MOGAT2: variants seen among roughly 807,000 people sequenced by gnomAD.
MOGAT2 encodes 2-acylglycerol O-acyltransferase 2.
MOGAT2 carries 27 observed loss-of-function variants against 31.5 expected under a neutral mutation model. That is an observed-to-expected ratio of 0.86 (90% confidence interval 0.63 to 1.18). The LOEUF (loss-of-function observed/expected upper bound fraction) is 1.18, where lower values mean the gene tolerates loss of function less well. Among genes scored for constraint, MOGAT2 ranks in the 50% most tolerant of loss-of-function variants. The pLI, the probability that MOGAT2 is intolerant of heterozygous loss-of-function variation, is 0.00. For synonymous variants in MOGAT2, 163 were observed against 170.0 expected (o/e 0.96, Z 0.32); for missense variants, 436 against 433.2 (o/e 1.01, Z -0.06).
In MOGAT2 at chr11:75,728,068, C is replaced by T; in HGVS notation, c.574C>T (p.Leu192=). The T allele has an allele frequency of 6.2e-7, 1 of 1,614,188 alleles. No homozygotes were observed. Among genetic ancestry groups the T allele is most frequent in the Non-Finnish European group, 8.5e-7 (1 of 1,180,030 alleles). Residue 192 remains leucine, a synonymous_variant, in exon 4 of 6, where the codon CTG becomes TTG. Transcript: ENST00000198801. ...CATTGTAGGGGGTGCCCAGGAGGCC[C>T]TGGATGCCAGGCCTGGATCCTTCAC... ...GIIVGGAQEA[L]DARPGSFTLL...
chr11:75,726,845 C>A (rs1354300636), intron 2 of MOGAT2, among the ~76,000 whole-genome samples: 1 of 151,858 alleles, frequency 6.6e-6, no homozygotes, highest in Non-Finnish European at 1.5e-5. Context: ...ATTACAGGTG[C>A]CCGCCACCAC....
chr11:75,723,593 T>A, intron 2 of MOGAT2, among the ~76,000 whole-genome samples: 1 of 152,162 alleles, frequency 6.6e-6, no homozygotes, highest in South Asian at 2.1e-4. Context: ...CCACAACTTT[T>A]AAAAAAATGT....
chr11:75,728,690 A>G, intron 4 of MOGAT2, 100 bp from the exon 5 acceptor site: 2 of 1,049,160 alleles, frequency 1.9e-6, no homozygotes, highest in Non-Finnish European at 1.4e-6. Flanking sequence ...CCTCTGCTCC[A>G]TTTCTTGGTC....
intron 4 of MOGAT2, chr11:75,728,567 C>T: frequency 1.7e-6 from 1 of 595,584 alleles, no homozygotes; most frequent in Non-Finnish European, 3.0e-6. Flanking sequence ...GTCTACCTCT[C>T]ATGGTGCAAC....
intron 4 of MOGAT2, 159 bp from the exon 5 acceptor site, chr11:75,728,631 G>A: frequency 1.6e-6 from 1 of 642,410 alleles, no homozygotes; most frequent in East Asian, 2.7e-5. Context: ...ATGGGGCTGT[G>A]AAGGTCTGGG....
chr11:75,721,238 T>C (rs1383033966), intron 2 of MOGAT2, among the ~76,000 whole-genome samples: 1 of 152,176 alleles, frequency 6.6e-6, no homozygotes, highest in Admixed American at 6.5e-5. Context: ...CATACCTCAC[T>C]GGGTTGTGTA....
chr11:75,728,966 A>G lies in MOGAT2; in HGVS notation c.827A>G (p.Tyr276Cys). The change falls in exon 5 of 6, where the codon TAC becomes TGC. Residue 276 changes from tyrosine to cysteine, a missense_variant. Transcript: ENST00000198801. ...CAGTACAGCTTTGGTTTAATACCCT[A>G]CCGCCGGCCCATCACCACTGTGGGT... ...VFQYSFGLIP[Y>C]RRPITTVVGK... 1 of 1,613,794 alleles carries G rather than the reference A, an allele frequency of 6.2e-7. No homozygotes were observed. The highest frequency in any genetic ancestry group is 8.5e-7 in the Non-Finnish European group (1 of 1,180,030).
intron 5 of MOGAT2, among the ~76,000 whole-genome samples, chr11:75,729,513 G>A (rs1565302298): frequency 2.0e-5 from 3 of 152,076 alleles, no homozygotes; most frequent in African/African-American, 7.2e-5. Flanking sequence ...GACCACAAGT[G>A]ATCTGCCTGC....
chr11:75,728,315 T>A (rs2135736582), intron 4 of MOGAT2, 171 bp downstream of exon 4: 1 of 789,776 alleles, frequency 1.3e-6, no homozygotes, highest in Non-Finnish European at 2.1e-6. Context: ...CTAGAAAAGT[T>A]TCCACAACGG....
At chr11:75,723,396 G>A (rs1384743072) in intron 2 of MOGAT2, among the ~76,000 whole-genome samples, 1 of 152,076 alleles carries the variant, frequency 6.6e-6, no homozygotes, top group East Asian at 1.9e-4. Flanking sequence ...TCCTAAGCTG[G>A]GCCTGTGGGG....
Position 75,728,172 on chromosome 11 carries a change from G to A in MOGAT2, c.650+28G>A, listed in dbSNP as rs371556168. 46 of 1,604,368 alleles carry A rather than the reference G, an allele frequency of 2.9e-5. No individual in the cohort carries two copies. In the African/African-American group the frequency reaches 5.5e-4, roughly 19 times the overall value. ...ATCAAGCCTCTGGGAAGAGCACTCT[G>A]GGTTCAGTTGGCAATTGGCAAGGAT... On this transcript the variant is annotated intron_variant, in intron 4 of 5. Coordinates refer to ENST00000198801, the MANE Select transcript of MOGAT2 (RefSeq NM_025098.4).
intron 4 of MOGAT2, chr11:75,728,350 G>A (rs1016512701): frequency 7.1e-6 from 5 of 700,290 alleles, no homozygotes; most frequent in Non-Finnish European, 1.3e-5. Flanking sequence ...AAGAAACTAG[G>A]TGGCAATGAA....
chr11:75,728,233 GA>G (rs1412671409), intron 4 of MOGAT2, 89 bp downstream of exon 4: 1 of 1,380,722 alleles, frequency 7.2e-7, no homozygotes, highest in Non-Finnish European at 1.0e-6. Flanking sequence ...GACGAATGCA[GA>G]TTCTATTTTG....
rs1276646404 is a variant in MOGAT2 at position 75,732,156 on chromosome 11, C to T, written c.*870C>T. The T allele has an allele frequency of 6.6e-6, 1 of 152,212 alleles. No individual in the cohort carries two copies. Among genetic ancestry groups the T allele is most frequent in the East Asian group, 1.9e-4 (1 of 5,198 alleles). 9.4% of individuals were successfully genotyped at this position (152,212 alleles called of 1,614,324 possible). A position where few individuals can be genotyped will look rare whatever the true frequency, so the allele number is the denominator to read the frequency against. ...AAGGAACCATTTTTTGAGGTGTGTGCACTGTTTCCACCCTGAGGCCTGGAA... is the reference window on the plus strand; with the variant it reads ...AAGGAACCATTTTTTGAGGTGTGTGTACTGTTTCCACCCTGAGGCCTGGAA... On this transcript the variant is annotated 3_prime_UTR_variant, in exon 6 of 6. Transcript: ENST00000198801.
intron 5 of MOGAT2, 155 bp from the exon 6 acceptor site, chr11:75,730,977 C>A: frequency 9.6e-6 from 4 of 417,252 alleles, no homozygotes; most frequent in East Asian, 7.9e-5. Flanking sequence ...GTTATTATAT[C>A]AGAATCTTGG....
chr11:75,719,732 C>A (rs1380457431), intron 1 of MOGAT2: 2 of 472,610 alleles, frequency 4.2e-6, no homozygotes, highest in East Asian at 3.3e-5. Flanking sequence ...CGGCCTGGTG[C>A]AGTGGGAGAA....
chr11:75,725,478 G>A (rs1565300484), intron 2 of MOGAT2, among the ~76,000 whole-genome samples: 1 of 152,108 alleles, frequency 6.6e-6, no homozygotes, highest in Non-Finnish European at 1.5e-5. Context: ...AACCTGGGAG[G>A]TGGAGGTTGC....
chr11:75,724,136 T>C (rs1944399517), intron 2 of MOGAT2, among the ~76,000 whole-genome samples: 1 of 152,182 alleles, frequency 6.6e-6, no homozygotes, highest in African/African-American at 2.4e-5. Flanking sequence ...AGGTTCTTTT[T>C]CCCACTAGTG....
In MOGAT2 at chr11:75,720,045, C is replaced by T. The variant is rs1207659862; in HGVS notation, c.145C>T (p.Leu49Phe). The T allele has an allele frequency of 1.2e-6, 2 of 1,614,188 alleles. No individual in the cohort carries two copies. Among genetic ancestry groups the T allele is most frequent in the Non-Finnish European group, 1.7e-6 (2 of 1,180,046 alleles). The change falls in exon 2 of 6, where the codon CTC becomes TTC. Residue 49 changes from leucine to phenylalanine, a missense_variant. By Grantham distance (22) the Leu-to-Phe change is conservative. Transcript: ENST00000198801. ...IALLFTRFWL[L>F]TVLYAAWWYL... is the part of the protein sequence containing the mutation. ...CCTCCTGTTTACAAGATTCTGGCTC[C>T]TCACTGTCCTGTATGCGGCCTGGTG...
Sources: allele counts gnomAD v4.1 joint callset (sites outside exome capture counted in the v4.1 genomes callset), GRCh38; gene constraint gnomAD v4.1.1; transcripts MANE v1.5; gene names NCBI Gene and HGNC (gene_info 2026-07-23, HGNC 2026-07-21).